The following DNAJB12 variants were observed in gnomAD, a reference collection of about 807,000 sequenced individuals.
DNAJB12 encodes dnaJ homolog subfamily B member 12.
In DNAJB12, 14 loss-of-function variants were observed where a neutral mutation model predicts 40.6. The observed-to-expected ratio is 0.34, with a 90% CI of 0.23 to 0.54. DNAJB12 has a LOEUF of 0.54. Ranked by LOEUF, DNAJB12 falls within the 20% of genes least tolerant of loss-of-function variation. The pLI is 0.92. For missense variants in DNAJB12, 444 were observed against 501.7 expected, an observed-to-expected ratio of 0.89 and a Z score of 1.10; for synonymous variants, 181 against 199.5, an observed-to-expected ratio of 0.91 and a Z score of 0.78.
chr10:72,344,999 C>A lies in DNAJB12; in HGVS notation c.262G>T (p.Gly88Ter). The A allele has an allele frequency of 1.2e-6, 2 of 1,614,234 alleles. No individual in the cohort carries two copies. Among genetic ancestry groups the A allele is most frequent in the Non-Finnish European group, 1.7e-6 (2 of 1,180,040 alleles). Residue 88 changes from glycine to a stop codon, truncating the protein, a stop_gained, in exon 2 of 9, where the codon GGA (glycine) becomes TGA (stop). Coordinates refer to ENST00000444643, the MANE Select transcript of DNAJB12 (RefSeq NM_017626.7). LOFTEE classifies it high-confidence loss of function. ...GCAGTGTAGCCTTTGGTGCTCTCTC[C>A]TCCAGCTTCACCGTTGGCCGAGGGG... is the stretch of plus-strand genomic sequence containing the variant. ...DAPSANGEAG[G>*]ESTKGYTAEQ...
chr10:72,349,203 G>C (rs1289267472), intron 1 of DNAJB12, among the ~76,000 whole-genome samples: 1 of 152,140 alleles, frequency 6.6e-6, no homozygotes. Flanking sequence ...CGGTGGCGGA[G>C]GATGAAATGG....
intron 2 of DNAJB12, among the ~76,000 whole-genome samples, chr10:72,344,301 C>T (rs1361540036): frequency 1.3e-5 from 2 of 152,216 alleles, no homozygotes; most frequent in Admixed American, 1.3e-4. Context: ...TGGCAAACAG[C>T]AGTCATGCTC....
intron 8 of DNAJB12, chr10:72,334,871 A>G: frequency 7.6e-7 from 1 of 1,311,522 alleles, no homozygotes; most frequent in African/African-American, 1.5e-5. Context: ...GCACCCACAC[A>G]GAGAAGAACC....
intron 4 of DNAJB12, 57 bp downstream of exon 4, chr10:72,340,928 T>C: frequency 6.2e-7 from 1 of 1,608,814 alleles, no homozygotes; most frequent in South Asian, 1.1e-5. Context: ...GAGGCTGGCA[T>C]GCCATTCCCA....
At chr10:72,345,184 C>T (rs543793069) in intron 1 of DNAJB12, 57 bp from the exon 2 acceptor site, 2 of 1,546,242 alleles carry the variant, frequency 1.3e-6, no homozygotes, top group Non-Finnish European at 1.7e-6. Flanking sequence ...GCGTGCCTCG[C>T]CGAGCGGCCC....
chr10:72,340,426 C>A (rs575839894), intron 5 of DNAJB12, among the ~76,000 whole-genome samples: 19 of 152,314 alleles, frequency 1.2e-4, no homozygotes, highest in South Asian at 1.0e-3. Context: ...AAATAAAATT[C>A]TCTCACAAAG....
intron 1 of DNAJB12, 91 bp downstream of exon 1, chr10:72,354,674 C>T (rs1264322075): frequency 1.7e-4 from 206 of 1,246,142 alleles, no homozygotes; most frequent in Non-Finnish European, 2.4e-5. Flanking sequence ...CTCGCCACCC[C>T]TCCCCCTCCC....
At chr10:72,334,938 A>C in intron 8 of DNAJB12, 1 of 1,203,532 alleles carries the variant, frequency 8.3e-7, no homozygotes, top group Non-Finnish European at 1.0e-6. Context: ...CCTCTGGCAA[A>C]CGCTGGGAAC....
intron 2 of DNAJB12, among the ~76,000 whole-genome samples, chr10:72,344,565 T>G (rs1231966178): frequency 6.6e-6 from 1 of 152,212 alleles, no homozygotes; most frequent in African/African-American, 2.4e-5. Flanking sequence ...TAAAAGGGTC[T>G]TTGTTGGGTG....
chr10:72,353,101 T>C (rs1180565834), intron 1 of DNAJB12, among the ~76,000 whole-genome samples: 1 of 152,224 alleles, frequency 6.6e-6, no homozygotes, highest in African/African-American at 2.4e-5. Flanking sequence ...TGCAGGTGGT[T>C]CTTCTGTCTC....
Position 72,354,847 on chromosome 10 carries a change from C to T in DNAJB12, c.51G>A (p.Lys17=), listed in dbSNP as rs1015404833. ...EAERCISIAL[K]AIQSNQPDRA... ...GGTCGGGCTGGTTGCTCTGGATGGC[C>T]TTGAGGGCGATGCTGATACAGCGCT... Residue 17 remains lysine (K), a synonymous_variant, in exon 1 of 9, where the codon AAG becomes AAA. Coordinates refer to ENST00000444643, the MANE Select transcript of DNAJB12 (RefSeq NM_017626.7). 5.6e-6 allele frequency: 9 copies of T among 1,614,010 alleles called. No homozygotes were observed. The highest frequency in any genetic ancestry group is 4.5e-5 in the East Asian group (2 of 44,888).
intron 2 of DNAJB12, among the ~76,000 whole-genome samples, chr10:72,343,794 T>C (rs1301762004): frequency 2.6e-5 from 4 of 152,072 alleles, no homozygotes; most frequent in African/African-American, 9.7e-5. Flanking sequence ...AGTATCTATC[T>C]TCCCCATGGG....
At chr10:72,344,907 T>G (rs753747242) in intron 2 of DNAJB12, 43 bp downstream of exon 2, 10 of 1,609,940 alleles carry the variant, frequency 6.2e-6, no homozygotes, top group Non-Finnish European at 8.5e-6. Context: ...GCCTCTAGAT[T>G]TCCCCAGTCT....
intron 2 of DNAJB12, among the ~76,000 whole-genome samples, chr10:72,344,409 A>C (rs181676312): frequency 6.6e-6 from 1 of 152,256 alleles, no homozygotes; most frequent in Admixed American, 6.5e-5. Flanking sequence ...CTGGGGAGAA[A>C]TGGGAGCTGG....
At chr10:72,341,498 G>A (rs925772264) in intron 3 of DNAJB12, among the ~76,000 whole-genome samples, 3 of 152,148 alleles carry the variant, frequency 2.0e-5, no homozygotes, top group African/African-American at 4.8e-5. Context: ...TTGAGGCAGG[G>A]CCTCACTCTG....
chr10:72,334,991 C>G, intron 8 of DNAJB12: 6 of 1,093,916 alleles, frequency 5.5e-6, no homozygotes, highest in Non-Finnish European at 5.6e-6. Context: ...AAGGAGGGAG[C>G]CTGCTACCAG....
At chr10:72,346,136 A>G (rs2131997591) in intron 1 of DNAJB12, among the ~76,000 whole-genome samples, 1 of 152,188 alleles carries the variant, frequency 6.6e-6, no homozygotes, top group Non-Finnish European at 1.5e-5. Context: ...AATAAACCCT[A>G]TAGTACTTTA....
At chr10:72,345,624 G>C (rs1447492322) in intron 1 of DNAJB12, among the ~76,000 whole-genome samples, 1 of 149,398 alleles carries the variant, frequency 6.7e-6, no homozygotes, top group Non-Finnish European at 1.5e-5. Context: ...TGTAATCCCA[G>C]CACTTTGGGA....
intron 5 of DNAJB12, 148 bp downstream of exon 5, chr10:72,340,641 A>G (rs1183701622): frequency 5.4e-6 from 4 of 741,264 alleles, no homozygotes; most frequent in Non-Finnish European, 8.9e-6. Context: ...ATGGCAAGGG[A>G]GGCCCAGAGG....
Sources: gnomAD v4.1 joint callset for allele counts (sites outside exome capture counted in the v4.1 genomes callset) on GRCh38, gnomAD v4.1.1 for gene constraint, MANE v1.5 for transcripts, NCBI Gene and HGNC (gene_info 2026-07-23, HGNC 2026-07-21) for gene names.